Variants in COL4A1 observed in about 807,000 individuals in gnomAD.
COL4A1 encodes collagen type IV alpha 1 chain.
A neutral mutation model predicts 216.6 loss-of-function variants in COL4A1; 40 were observed. The observed-to-expected ratio is 0.18, with a 90% CI of 0.14 to 0.24. COL4A1 has a LOEUF of 0.24. Among genes scored for constraint, COL4A1 ranks in the 10% least tolerant of loss-of-function variants. The probability of loss-of-function intolerance (pLI) is 1.00; values close to 1 mark genes in which losing one functional copy is unlikely to be tolerated. For synonymous variants in COL4A1, 839 were observed against 810.7 expected, an observed-to-expected ratio of 1.03 and a Z score of -0.59; for missense variants, 1,628 against 2,196.8, an observed-to-expected ratio of 0.74 and a Z score of 5.18.
At chr13:110,235,291 G>A (rs189331231) in intron 2 of COL4A1, among the ~76,000 whole-genome samples, 27 of 152,192 alleles carry the variant, frequency 1.8e-4, no homozygotes, top group Non-Finnish European at 3.5e-4. Context: ...CACCTTTAAC[G>A]TTTAAAACAA....
At position 110,215,331 on chromosome 13, in the gene COL4A1, G is replaced by A. The variant is rs143684431; in HGVS notation, c.145-1316C>T. On this transcript the variant is annotated intron_variant, in intron 2 of 51. Transcript: ENST00000375820. ...TCCCAGCACTTTGGGAGATAGAGGC[G>A]GGCAGATCACCAGAGGTCAGGAGTT... 5.9e-3 allele frequency among the ~76,000 whole-genome samples: 891 copies of A among 152,196 alleles called. 7 individuals are homozygous for A. Among genetic ancestry groups the A allele is most frequent in the African/African-American group, 0.02 (827 of 41,498 alleles).
At chr13:110,233,584 A>C (rs922505043) in intron 2 of COL4A1, among the ~76,000 whole-genome samples, 1 of 152,210 alleles carries the variant, frequency 6.6e-6, no homozygotes, top group Non-Finnish European at 1.5e-5. Context: ...GTACACGCAC[A>C]TTGGGAAAAG....
intron 1 of COL4A1, among the ~76,000 whole-genome samples, chr13:110,291,830 A>C (rs1318370094): frequency 6.6e-6 from 1 of 152,080 alleles, no homozygotes; most frequent in African/African-American, 2.4e-5. Context: ...TTCACCTTCA[A>C]ATTTCCATTT....
intron 1 of COL4A1, among the ~76,000 whole-genome samples, chr13:110,302,948 G>C (rs1259095078): frequency 6.6e-6 from 1 of 152,118 alleles, no homozygotes; most frequent in Non-Finnish European, 1.5e-5. Context: ...TCAATTTGGG[G>C]AACAATTATT....
At chr13:110,209,621 T>C (rs1449808194) in intron 10 of COL4A1, among the ~76,000 whole-genome samples, 194 bp from the exon 11 acceptor site, 1 of 152,130 alleles carries the variant, frequency 6.6e-6, no homozygotes, top group African/African-American at 2.4e-5. Context: ...CCAATACCAA[T>C]CCATCTCCCC....
chr13:110,213,057 G>A (rs1216099390), intron 4 of COL4A1, among the ~76,000 whole-genome samples: 1 of 152,142 alleles, frequency 6.6e-6, no homozygotes, highest in African/African-American at 2.4e-5. Context: ...TATAAGTGGC[G>A]TCTAAGCTAT....
chr13:110,255,617 G>C (rs759965478), intron 1 of COL4A1, among the ~76,000 whole-genome samples: 17 of 1,420 alleles, frequency 0.012, 2 homozygotes, highest in African/African-American at 0.052. Flanking sequence ...AGGAAGGGAG[G>C]GGGCAGGCAG....
chr13:110,261,033 T>C (rs1345343451), intron 1 of COL4A1, among the ~76,000 whole-genome samples: 1 of 250 alleles, frequency 4.0e-3, no homozygotes, highest in Non-Finnish European at 0.017. Context: ...CGAGACTCCG[T>C]CTCAAAAAAA....
chr13:110,227,746 A>T (rs974322982), intron 2 of COL4A1, among the ~76,000 whole-genome samples: 1 of 152,182 alleles, frequency 6.6e-6, no homozygotes, highest in African/African-American at 2.4e-5. Flanking sequence ...CCACAGGGAG[A>T]ATCAGCACGT....
intron 20 of COL4A1, among the ~76,000 whole-genome samples, chr13:110,199,277 C>G (rs1879052321): frequency 6.6e-6 from 1 of 152,190 alleles, no homozygotes; most frequent in Non-Finnish European, 1.5e-5. Flanking sequence ...CTTCTGCTCC[C>G]AGCATCAGGC....
intron 1 of COL4A1, among the ~76,000 whole-genome samples, chr13:110,282,053 C>A (rs1883653425): frequency 6.6e-6 from 1 of 152,178 alleles, no homozygotes; most frequent in Non-Finnish European, 1.5e-5. Flanking sequence ...AGAGGATTCT[C>A]CCCAGCAAAG....
At chr13:110,282,265 T>TA in intron 1 of COL4A1, among the ~76,000 whole-genome samples, 1 of 152,180 alleles carries the variant, frequency 6.6e-6, no homozygotes, top group Non-Finnish European at 1.5e-5. Flanking sequence ...TTCTCATCAA[T>TA]AAAATGGGAG....
chr13:110,163,477 G>C lies in COL4A1; in HGVS notation c.4235C>G (p.Pro1412Arg). The change falls in exon 47 of 52, where the codon CCT (proline) becomes CGT (arginine). Residue 1412 changes from proline (P) to arginine (R), a missense_variant. Around this residue, in one of 8 missense-constraint regions of COL4A1, gnomAD observed 345 missense variants for 476.9 expected, o/e 0.72. Coordinates refer to ENST00000375820, the MANE Select transcript of COL4A1 (RefSeq NM_001845.6). ...TCGCAACCTACCAGTAGGCCCGGCA[G>C]GTCCCATCTCTCCTTTCTGGCCAGG... ...GAPGQKGEMG[P>R]AGPTGPRGFP... is the part of the protein sequence containing the mutation. 1 of 1,614,130 alleles carries C rather than the reference G, an allele frequency of 6.2e-7. No individual in the cohort carries two copies. The highest frequency in any genetic ancestry group is 8.5e-7 in the Non-Finnish European group (1 of 1,180,022).
chr13:110,306,781 C>A (rs1325200222), intron 1 of COL4A1, among the ~76,000 whole-genome samples, 163 bp downstream of exon 1: 1 of 152,242 alleles, frequency 6.6e-6, no homozygotes, highest in Non-Finnish European at 1.5e-5. Flanking sequence ...GCGATCGTAG[C>A]CTACAGGGAC....
chr13:110,164,377 CCTT>C (rs1877235561), intron 46 of COL4A1, among the ~76,000 whole-genome samples: 2 of 152,178 alleles, frequency 1.3e-5, no homozygotes, highest in Non-Finnish European at 2.9e-5. Context: ...CCCACCCACT[CCTT>C]ATCAGTAGCT....
intron 1 of COL4A1, among the ~76,000 whole-genome samples, chr13:110,275,035 C>T (rs1434924712): frequency 6.6e-6 from 1 of 152,188 alleles, no homozygotes. Context: ...GTACCAAAGG[C>T]ATGATCCATG....
intron 1 of COL4A1, among the ~76,000 whole-genome samples, chr13:110,302,119 G>A (rs1327488091): frequency 1.3e-5 from 2 of 152,128 alleles, no homozygotes; most frequent in African/African-American, 4.8e-5. Context: ...GGGCACCTCT[G>A]GGAAGCATCC....
chr13:110,192,042 T>G (rs922332524), intron 24 of COL4A1, among the ~76,000 whole-genome samples, 172 bp downstream of exon 24: 2 of 152,216 alleles, frequency 1.3e-5, no homozygotes, highest in African/African-American at 4.8e-5. Flanking sequence ...GTCTTGCTCA[T>G]TCTCCTGAGA....
At chr13:110,227,122 C>T (rs1024519319) in intron 2 of COL4A1, among the ~76,000 whole-genome samples, 4 of 152,044 alleles carry the variant, frequency 2.6e-5, no homozygotes, top group African/African-American at 7.2e-5. Flanking sequence ...ACTTTGTAGA[C>T]GTTTTAAAGA....
Sources: gnomAD v4.1 joint callset for allele counts (sites outside exome capture counted in the v4.1 genomes callset) on GRCh38, gnomAD v4.1.1 for gene constraint, gnomAD v4.1.1 regional missense constraint, MANE v1.5 for transcripts, NCBI Gene and HGNC (gene_info 2026-07-23, HGNC 2026-07-21) for gene names.